Variants in PAX8 observed in about 807,000 individuals in gnomAD.
PAX8 encodes the protein paired box protein Pax-8.
In PAX8, 15 loss-of-function variants were observed where a neutral mutation model predicts 52.4. The observed-to-expected ratio is 0.29, with a 90% confidence interval of 0.19 to 0.44. The LOEUF (loss-of-function observed/expected upper bound fraction) is 0.44, where lower values mean the gene tolerates loss of function less well. PAX8 is among the 20% of genes least tolerant of loss of function. The pLI is 1.00. For synonymous variants in PAX8, 284 were observed against 249.7 expected (o/e 1.14, Z -1.29); for missense variants, 554 against 602.5 (o/e 0.92, Z 0.84).
intron 10 of PAX8, among the ~76,000 whole-genome samples, chr2:113,222,304 G>C (rs1689318311): frequency 6.6e-6 from 1 of 152,180 alleles, no homozygotes; most frequent in Non-Finnish European, 1.5e-5. Context: ...GAGCTCTAGA[G>C]GACAAGGGAG....
chr2:113,232,247 C>A (rs4564780), intron 9 of PAX8, among the ~76,000 whole-genome samples: 1 of 152,250 alleles, frequency 6.6e-6, no homozygotes, highest in African/African-American at 2.4e-5. Flanking sequence ...CTGAGCTCAG[C>A]ATGGACACCA....
intron 2 of PAX8, among the ~76,000 whole-genome samples, chr2:113,250,099 C>G (rs560471414): frequency 2.0e-5 from 3 of 152,032 alleles, no homozygotes; most frequent in African/African-American, 7.2e-5. Context: ...AACCCCGTCT[C>G]TACTAAAAAT....
Position 113,246,909 on chromosome 2 carries a change from C to G in PAX8, c.36G>C (p.Gly12=), listed in dbSNP as rs1691366841. The G allele has an allele frequency of 6.2e-7, 1 of 1,613,586 alleles. No homozygotes were observed. The highest frequency in any genetic ancestry group is 2.2e-5 in the East Asian group (1 of 44,858). Residue 12 remains glycine (G), a synonymous_variant, in exon 3 of 12, where the codon GGG becomes GGC. Coordinates refer to ENST00000429538, the MANE Select transcript of PAX8 (RefSeq NM_003466.4). The part of the protein sequence containing the change: ...PHNSIRSGHG[G]LNQLGGAFVN... ...CAAAGGCCCCTCCCAGCTGGTTCAG[C>G]CCTCCATGGCCTAAGGAGACAATAT...
intron 2 of PAX8, among the ~76,000 whole-genome samples, chr2:113,277,973 G>A (rs1037125354): frequency 1.3e-5 from 2 of 152,200 alleles, no homozygotes; most frequent in Non-Finnish European, 2.9e-5. Flanking sequence ...CGCACCCGAG[G>A]AAGAGGACTT....
intron 10 of PAX8, chr2:113,226,202 A>C (rs766374697): frequency 3.0e-6 from 3 of 985,420 alleles, no homozygotes; most frequent in Non-Finnish European, 3.6e-6. Flanking sequence ...CCTGCCGGCA[A>C]GGAAGGGAAG....
Position 113,218,065 on chromosome 2 carries a change from C to T in PAX8, c.*468G>A. 4.3e-6 allele frequency: 1 copy of T among 234,396 alleles called. No individual in the cohort carries two copies. Among genetic ancestry groups the T allele is most frequent in the Non-Finnish European group, 8.4e-6 (1 of 118,896 alleles). 14.5% of individuals were successfully genotyped at this position (234,396 alleles called of 1,614,324 possible). A position where few individuals can be genotyped will look rare whatever the true frequency, so the allele number is the denominator to read the frequency against. ...TCCCTGGGTGGCTGGTGAGGAGAGC[C>T]TCGGCACCAGGCTGTGACTTGTGGG... On this transcript the variant is annotated 3_prime_UTR_variant, in exon 12 of 12. Transcript: ENST00000429538.
At chr2:113,228,021 T>G (rs969952196) in intron 9 of PAX8, among the ~76,000 whole-genome samples, 30 of 152,362 alleles carry the variant, frequency 2.0e-4, no homozygotes, top group African/African-American at 7.0e-4. Context: ...CTATAGCTTG[T>G]GGGTCATACC....
intron 2 of PAX8, among the ~76,000 whole-genome samples, chr2:113,256,276 C>A (rs1454101206): frequency 6.6e-6 from 1 of 152,200 alleles, no homozygotes; most frequent in Admixed American, 6.5e-5. Flanking sequence ...TGCTCCTCAG[C>A]CTGGAGGAAT....
intron 2 of PAX8, chr2:113,273,398 C>T (rs569167230): frequency 1.3e-4 from 20 of 152,310 alleles, no homozygotes; most frequent in Admixed American, 9.1e-4. Context: ...AAGACTCTGC[C>T]AGTGTGTCCC....
intron 3 of PAX8, among the ~76,000 whole-genome samples, chr2:113,245,324 G>A (rs950484801): frequency 6.6e-6 from 1 of 152,246 alleles, no homozygotes; most frequent in Middle Eastern, 3.4e-3. Flanking sequence ...GGGATTACAG[G>A]CATCAGCCAC....
chr2:113,243,446 C>T (rs1332751539), intron 4 of PAX8, among the ~76,000 whole-genome samples: 1 of 151,870 alleles, frequency 6.6e-6, no homozygotes, highest in Non-Finnish European at 1.5e-5. Context: ...GGCTGGAGTC[C>T]AGTGGCGTGA....
chr2:113,260,467 G>A (rs1166655629), intron 2 of PAX8, among the ~76,000 whole-genome samples: 1 of 148,752 alleles, frequency 6.7e-6, no homozygotes, highest in Middle Eastern at 3.2e-3. Flanking sequence ...GAGTTTAGTG[G>A]GCACTGATTT....
intron 7 of PAX8, chr2:113,237,729 G>C (rs769148747): frequency 6.6e-6 from 1 of 152,184 alleles, no homozygotes; most frequent in African/African-American, 2.4e-5. Context: ...TGGGGAAGCA[G>C]ATAGCGCAGA....
intron 2 of PAX8, chr2:113,275,662 T>C (rs1050935916): frequency 6.6e-6 from 1 of 152,202 alleles, no homozygotes; most frequent in African/African-American, 2.4e-5. Context: ...CTCTTCCTCA[T>C]TGGTACAGTA....
chr2:113,260,242 A>T (rs1020801801), intron 2 of PAX8, among the ~76,000 whole-genome samples: 1 of 152,276 alleles, frequency 6.6e-6, no homozygotes, highest in East Asian at 1.9e-4. Context: ...ACACATTTAC[A>T]TGCACAGTCT....
chr2:113,253,741 C>T (rs1001843243), intron 2 of PAX8, among the ~76,000 whole-genome samples: 1 of 152,134 alleles, frequency 6.6e-6, no homozygotes, highest in African/African-American at 2.4e-5. Context: ...TAATAACATG[C>T]TTTACCTTTC....
At chr2:113,247,119 T>C (rs377662903) in intron 2 of PAX8, among the ~76,000 whole-genome samples, 200 bp from the exon 3 acceptor site, 30 of 152,242 alleles carry the variant, frequency 2.0e-4, no homozygotes, top group African/African-American at 6.5e-4. Context: ...TATGTGATGC[T>C]CATCCCCCAC....
intron 10 of PAX8, chr2:113,226,857 G>A: frequency 7.7e-7 from 1 of 1,306,920 alleles, no homozygotes; most frequent in Non-Finnish European, 9.9e-7. Context: ...ACTGGAAGAA[G>A]TGGTGGAGCT....
In PAX8 at chr2:113,216,279, G is replaced by C. The variant is rs1462040490; in HGVS notation, c.*2254C>G. 8.6e-6 allele frequency: 2 copies of C among 231,568 alleles called. No homozygotes were observed. Among genetic ancestry groups the C allele is most frequent in the African/African-American group, 2.2e-5 (1 of 45,264 alleles). 14.3% of individuals were successfully genotyped at this position (231,568 alleles called of 1,614,324 possible). ...AGCCGCATCTCAGATCCCTTCAGAAGAGATGGATTTTCTTCCAGGAGGGTT... is the reference window on the plus strand; with the variant it reads ...AGCCGCATCTCAGATCCCTTCAGAACAGATGGATTTTCTTCCAGGAGGGTT... On this transcript the variant is annotated 3_prime_UTR_variant, in exon 12 of 12. Coordinates refer to ENST00000429538, the MANE Select transcript of PAX8 (RefSeq NM_003466.4).
Sources: allele counts gnomAD v4.1 joint callset (sites outside exome capture counted in the v4.1 genomes callset), GRCh38; gene constraint gnomAD v4.1.1; transcripts MANE v1.5; gene names NCBI Gene and HGNC (gene_info 2026-07-23, HGNC 2026-07-21).